HADHA: variants seen among roughly 807,000 people sequenced by gnomAD.
HADHA encodes hydroxyacyl-CoA dehydrogenase trifunctional multienzyme complex subunit alpha.
In HADHA, 59 loss-of-function variants were observed where a neutral mutation model predicts 91.3. The ratio of observed to expected loss-of-function variants is 0.65; its 90% CI spans 0.52 to 0.80. The LOEUF is 0.80. HADHA is among the 30% of genes least tolerant of loss of function. HADHA has a pLI of 0.00. For missense variants in HADHA, 800 were observed against 927.6 expected (o/e 0.86, Z 1.79); for synonymous variants, 320 against 338.9 (o/e 0.94, Z 0.61).
Position 26,210,723 on chromosome 2 carries a change from G to C in HADHA, c.976-834C>G, listed in dbSNP as rs576864202. On this transcript the variant is annotated intron_variant, in intron 10 of 19. Coordinates refer to ENST00000380649, the MANE Select transcript of HADHA (RefSeq NM_000182.5). The surrounding 1 kb of genome is among the most constrained non-coding windows in gnomAD (Gnocchi z 4.0). ...TTTTAAAAGTAGCTTAATTTATGGA[G>C]AAAAAGTCTCAACTTGGTGGTTAAA... 6.6e-6 allele frequency: 1 copy of C among 152,264 alleles called. No individual in the cohort carries two copies. The highest frequency in any genetic ancestry group is 2.4e-5 in the African/African-American group (1 of 41,552). 9.4% of individuals were successfully genotyped at this position (152,264 alleles called of 1,614,324 possible). A position where few individuals can be genotyped will look rare whatever the true frequency, so the allele number is the denominator to read the frequency against.
At chr2:26,236,339 ATGTGTGTGTG>A in intron 4 of HADHA, among the ~76,000 whole-genome samples, 1 of 109,960 alleles carries the variant, frequency 9.1e-6, no homozygotes, top group East Asian at 2.3e-4. Context: ...AGATCACATG[ATGTGTGTGTG>A]TGTGTGTGTG....
At chr2:26,241,978 T>G (rs1670903842) in intron 1 of HADHA, among the ~76,000 whole-genome samples, 1 of 152,046 alleles carries the variant, frequency 6.6e-6, no homozygotes, top group South Asian at 2.1e-4. Flanking sequence ...CTTGGCTCAC[T>G]GCAACCTCCA....
At position 26,192,379 on chromosome 2, in the gene HADHA, T is replaced by C. The variant is rs1400256001; in HGVS notation, c.1931A>G (p.Lys644Arg). The C allele has an allele frequency of 6.2e-7, 1 of 1,609,696 alleles. No homozygotes were observed. The highest frequency in any genetic ancestry group is 1.3e-5 in the African/African-American group (1 of 74,966). Reference sequence around the variant, plus strand: ...CATGTCAGAATTCAAATCCTTCCTCTTCACACCCTCCTGATAGATGTAAAA... The same window carrying C: ...CATGTCAGAATTCAAATCCTTCCTCCTCACACCCTCCTGATAGATGTAAAA... ...KGFYIYQEGVKRKDLNSDMDS... is the reference protein window; with the variant it reads ...KGFYIYQEGVRRKDLNSDMDS... The change falls in exon 18 of 20, where the codon AAG becomes AGG. Residue 644 changes from lysine (K) to arginine (R), a missense_variant. Transcript: ENST00000380649.
At chr2:26,197,661 T>C (rs770931882) in intron 14 of HADHA, 30 bp downstream of exon 14, 1 of 974,110 alleles carries the variant, frequency 1.0e-6, no homozygotes, top group Non-Finnish European at 1.7e-6. Context: ...CAATAAAACA[T>C]CTCAGGGTTT....
rs1001307635 is a variant in HADHA, at chr2:26,230,340, G to T, written c.574-46C>A. 3 of 1,081,964 alleles carry T rather than the reference G, an allele frequency of 2.8e-6. No homozygotes were observed. The South Asian group carries it at 3.7e-5, about 13-fold the overall frequency. The allele number at this position is 1,081,964 out of a possible 1,614,324, so 67.0% of individuals were successfully genotyped here. A position where few individuals can be genotyped will look rare whatever the true frequency, so the allele number is the denominator to read the frequency against. ...AGAATATAGGGGGAAAAAAATCAGG[G>T]TGATAATTATATAGTTTACAAATCA... On this transcript the variant is annotated intron_variant, in intron 6 of 19. Coordinates refer to ENST00000380649, the MANE Select transcript of HADHA (RefSeq NM_000182.5).
chr2:26,195,123 A>T lies in HADHA; in HGVS notation c.1589T>A (p.Leu530His), dbSNP rs759441886. 7.4e-6 allele frequency: 12 copies of T among 1,613,304 alleles called. No homozygotes were observed. The highest frequency in any genetic ancestry group is 1.7e-5 in the Admixed American group (1 of 59,958). The change falls in exon 15 of 20, where the codon CTC becomes CAC. Residue 530 changes from leucine to histidine, a missense_variant. Coordinates refer to ENST00000380649, the MANE Select transcript of HADHA (RefSeq NM_000182.5). ...DTSASAVAVGLKQGKVIIVVK... is the reference protein window; with the variant it reads ...DTSASAVAVGHKQGKVIIVVK... The stretch of plus-strand genomic sequence containing the variant: ...CACAATGATGACCTTCCCCTGCTTG[A>T]GACCAACTGCTACAGCTGAAGCACT...
chr2:26,191,364 G>C lies in HADHA; in HGVS notation c.2178C>G (p.Ala726=), dbSNP rs1169953238. ...TCTTGAGCCGGTCCACTATCTTCTG[G>C]GCGCCATACAGATCCACAAAGCGGA... ...GPFRFVDLYG[A]QKIVDRLKKY... The change falls in exon 20 of 20, where the codon GCC becomes GCG. Residue 726 remains alanine (A), a synonymous_variant. Coordinates refer to ENST00000380649, the MANE Select transcript of HADHA (RefSeq NM_000182.5). 1 of 1,614,004 alleles carries C rather than the reference G, an allele frequency of 6.2e-7. No homozygotes were observed. The highest frequency in any genetic ancestry group is 1.3e-5 in the African/African-American group (1 of 74,876).
intron 13 of HADHA, among the ~76,000 whole-genome samples, chr2:26,199,072 GTT>G (rs1669760475): frequency 1.3e-5 from 2 of 151,810 alleles, no homozygotes; most frequent in Admixed American, 1.3e-4. Flanking sequence ...TTTTTTTGTA[GTT>G]TTTAGTAAAG....
chr2:26,213,893 C>T (rs918867229), intron 9 of HADHA, among the ~76,000 whole-genome samples: 1 of 152,204 alleles, frequency 6.6e-6, no homozygotes, highest in Admixed American at 6.5e-5. Flanking sequence ...TATATACTCT[C>T]TTAATCTTGG....
At chr2:26,241,179 A>T (rs1360356283) in intron 1 of HADHA, among the ~76,000 whole-genome samples, 1 of 152,212 alleles carries the variant, frequency 6.6e-6, no homozygotes, top group Non-Finnish European at 1.5e-5. Context: ...ACCTCATAAG[A>T]CTACAGTCAG....
chr2:26,191,471 T>C lies in HADHA; in HGVS notation c.2146+12A>G, dbSNP rs1669500795. ...GCTAAAGTGAGCTTCCTTCCCAACC[T>C]GCGAGACCAACCTCCCAGACAAGGC... On this transcript the variant is annotated intron_variant, in intron 19 of 19. Transcript: ENST00000380649. 5 of 1,614,024 alleles carry C rather than the reference T, an allele frequency of 3.1e-6. No homozygotes were observed. Among genetic ancestry groups the C allele is most frequent in the Non-Finnish European group, 4.2e-6 (5 of 1,180,032 alleles).
Position 26,244,539 on chromosome 2 carries a change from G to T in HADHA, c.58C>A (p.Arg20Ser), listed in dbSNP as rs148321324. ...CTCGGCCAGGCCTCACCTCGGGAGCGGAGGATCCTGAAGGCAGAAAAGCGG... is the reference window on the plus strand; with the variant it reads ...CTCGGCCAGGCCTCACCTCGGGAGCTGAGGATCCTGAAGGCAGAAAAGCGG... ...LSRFSAFRIL[R>S]SRGYICRNFT... The change falls in exon 1 of 20, where the codon CGC (arginine) becomes AGC (serine). Residue 20 changes from arginine to serine, a missense_variant. Coordinates refer to ENST00000380649, the MANE Select transcript of HADHA (RefSeq NM_000182.5). The T allele has an allele frequency of 6.3e-7, 1 of 1,582,640 alleles. No individual in the cohort carries two copies. Among genetic ancestry groups the T allele is most frequent in the Non-Finnish European group, 8.6e-7 (1 of 1,163,828 alleles).
intron 9 of HADHA, among the ~76,000 whole-genome samples, chr2:26,213,352 T>C (rs567841934): frequency 8.8e-4 from 134 of 152,322 alleles, no homozygotes; most frequent in African/African-American, 3.1e-3. Flanking sequence ...TTCGAAACCA[T>C]TTTTACCCAC....
chr2:26,192,190 C>G (rs1669526587), intron 18 of HADHA, 120 bp downstream of exon 18: 1 of 670,146 alleles, frequency 1.5e-6, no homozygotes. Flanking sequence ...TGTAACAAAC[C>G]TGCACATGTA....
In HADHA at chr2:26,193,754, T is replaced by G. The variant is rs1669581169; in HGVS notation, c.1708A>C (p.Lys570Gln). ...RILQEGVDPK[K>Q]LDSLTTSFGF... ...AAGCTTGTGGTCAGGGAATCCAGCT[T>G]CTTCGGGTCAACTCCTTCCTGAACA... The change falls in exon 17 of 20, where the codon AAG becomes CAG. Residue 570 changes from lysine (K) to glutamine (Q), a missense_variant. Lys to Gln is a moderately conservative substitution (Grantham distance 53). Coordinates refer to ENST00000380649, the MANE Select transcript of HADHA (RefSeq NM_000182.5). 1 of 1,614,140 alleles carries G rather than the reference T, an allele frequency of 6.2e-7. No individual in the cohort carries two copies. The highest frequency in any genetic ancestry group is 8.5e-7 in the Non-Finnish European group (1 of 1,180,004).
At chr2:26,197,637 C>T (rs1669710198) in intron 14 of HADHA, 54 bp downstream of exon 14, 1 of 848,778 alleles carries the variant, frequency 1.2e-6, no homozygotes, top group African/African-American at 1.6e-5. Flanking sequence ...AAGCCTTTAT[C>T]AGTGAATCTG....
chr2:26,215,192 A>C lies in HADHA; in HGVS notation c.677-17T>G. 1 of 1,612,254 alleles carries C rather than the reference A, an allele frequency of 6.2e-7. No homozygotes were observed. The highest frequency in any genetic ancestry group is 1.1e-5 in the South Asian group (1 of 91,072). On this transcript the variant is annotated splice_polypyrimidine_tract_variant and intron_variant, in intron 7 of 19. Coordinates refer to ENST00000380649, the MANE Select transcript of HADHA (RefSeq NM_000182.5). ...GTCCTGGTCCTATAAAAATGAATGCAACACTGGAATGCAAATCAGGCTTAG... is the reference window on the plus strand; with the variant it reads ...GTCCTGGTCCTATAAAAATGAATGCCACACTGGAATGCAAATCAGGCTTAG...
chr2:26,215,411 C>T (rs1464092441), intron 7 of HADHA, among the ~76,000 whole-genome samples: 2 of 152,138 alleles, frequency 1.3e-5, no homozygotes, highest in African/African-American at 2.4e-5. Flanking sequence ...ATTTGGTTTC[C>T]ACTTCTGAGT....
intron 13 of HADHA, among the ~76,000 whole-genome samples, 169 bp downstream of exon 13, chr2:26,200,980 C>T (rs1325623481): frequency 6.6e-6 from 1 of 152,220 alleles, no homozygotes; most frequent in African/African-American, 2.4e-5. Context: ...GATCCGCCCA[C>T]CTCAGCCTCC....
Sources: allele counts gnomAD v4.1 joint callset (sites outside exome capture counted in the v4.1 genomes callset), GRCh38; gene constraint gnomAD v4.1.1; non-coding constraint Gnocchi (gnomAD v3.1); transcripts MANE v1.5; gene names NCBI Gene and HGNC (gene_info 2026-07-23, HGNC 2026-07-21).